Variants in GARRE1 observed in about 807,000 individuals in gnomAD.
The protein encoded by GARRE1 is granule associated Rac and RHOG effector protein 1.
Under a neutral mutation model 103.2 loss-of-function variants are expected in GARRE1, and 49 were observed. The ratio of observed to expected loss-of-function variants is 0.47; its 90% CI spans 0.38 to 0.60. The LOEUF is 0.60. GARRE1 is among the 20% of genes least tolerant of loss of function. The pLI is 0.00. For missense variants in GARRE1, 1,199 were observed against 1,370.5 expected (o/e 0.87, Z 1.98); for synonymous variants, 505 against 532.8 (o/e 0.95, Z 0.72).
chr19:34,331,485 C>T (rs2074137743), intron 7 of GARRE1, among the ~76,000 whole-genome samples: 1 of 152,160 alleles, frequency 6.6e-6, no homozygotes, highest in Admixed American at 6.5e-5. Context: ...TCACTGTATA[C>T]CGCTGCTGTT....
intron 2 of GARRE1, among the ~76,000 whole-genome samples, chr19:34,316,058 TG>T (rs1232857351): frequency 6.6e-6 from 1 of 152,202 alleles, no homozygotes; most frequent in Non-Finnish European, 1.5e-5. Flanking sequence ...AAGAGTAGCC[TG>T]GTGGTTAGCA....
intron 10 of GARRE1, among the ~76,000 whole-genome samples, chr19:34,343,151 G>A (rs1299235160): frequency 2.0e-5 from 3 of 152,098 alleles, no homozygotes; most frequent in Admixed American, 6.6e-5. Context: ...AACAAAATTA[G>A]GAAATAGAAA....
At chr19:34,351,637 C>G in intron 13 of GARRE1, 45 bp downstream of exon 13, 4 of 1,398,306 alleles carry the variant, frequency 2.9e-6, no homozygotes, top group Non-Finnish European at 1.0e-6. Context: ...CTAGCTTCCA[C>G]AGCTGCAGTT....
chr19:34,298,042 T>C lies in GARRE1; in HGVS notation c.-795-1637T>C, dbSNP rs577132649. ...TAAGTGACGAAGTATGAGTTACATT[T>C]AATTATATATTCAAAAAAGGAAAAT... is the stretch of plus-strand genomic sequence containing the variant. On this transcript the variant is annotated intron_variant, in intron 1 of 13. Coordinates refer to ENST00000299505, the MANE Select transcript of GARRE1 (RefSeq NM_014686.5). Among the ~76,000 whole-genome samples the C allele has an allele frequency of 2.0e-5, 3 of 152,272 alleles. No individual in the cohort carries two copies. The East Asian group carries it at 5.8e-4, about 29-fold the overall frequency.
At chr19:34,345,167 G>C (rs2074205485) in intron 10 of GARRE1, among the ~76,000 whole-genome samples, 1 of 152,070 alleles carries the variant, frequency 6.6e-6, no homozygotes, top group Admixed American at 6.5e-5. Context: ...TGGCCAGGCT[G>C]GTCTTGACCT....
chr19:34,350,343 G>A (rs1442401738), intron 12 of GARRE1, among the ~76,000 whole-genome samples: 2 of 152,134 alleles, frequency 1.3e-5, no homozygotes, highest in African/African-American at 2.4e-5. Context: ...TGCAGGAGGA[G>A]CAAGTTTGAA....
intron 10 of GARRE1, among the ~76,000 whole-genome samples, chr19:34,347,446 C>G (rs1032668147): frequency 6.6e-6 from 1 of 152,174 alleles, no homozygotes; most frequent in Admixed American, 6.6e-5. Flanking sequence ...AGGCTAGTCT[C>G]GAACTTCTGG....
At chr19:34,260,155 A>G (rs1002549330) in intron 1 of GARRE1, among the ~76,000 whole-genome samples, 5 of 152,222 alleles carry the variant, frequency 3.3e-5, no homozygotes, top group Non-Finnish European at 2.9e-5. Flanking sequence ...CCACACTCTG[A>G]TCAATTAGCA....
At chr19:34,318,267 G>A (rs2074069043) in intron 2 of GARRE1, among the ~76,000 whole-genome samples, 1 of 152,216 alleles carries the variant, frequency 6.6e-6, no homozygotes. Flanking sequence ...CAAGGCGAGA[G>A]GTCCACATGC....
At chr19:34,308,419 C>T (rs2074021596) in intron 2 of GARRE1, among the ~76,000 whole-genome samples, 1 of 152,058 alleles carries the variant, frequency 6.6e-6, no homozygotes, top group Non-Finnish European at 1.5e-5. Flanking sequence ...TTGTATGAAT[C>T]CAGTTTTGAA....
chr19:34,333,617 T>A (rs1027459272), intron 7 of GARRE1, 87 bp from the exon 8 acceptor site: 2 of 820,846 alleles, frequency 2.4e-6, no homozygotes, highest in African/African-American at 3.5e-5. Flanking sequence ...TCTTAGAGAG[T>A]CATTTTATGT....
intron 6 of GARRE1, among the ~76,000 whole-genome samples, chr19:34,329,508 G>A (rs2074127601): frequency 6.6e-6 from 1 of 152,140 alleles, no homozygotes; most frequent in Non-Finnish European, 1.5e-5. Context: ...AATTACTAAG[G>A]AAATTAAAAT....
At chr19:34,297,652 T>A (rs183256532) in intron 1 of GARRE1, among the ~76,000 whole-genome samples, 409 of 152,342 alleles carry the variant, frequency 2.7e-3, no homozygotes, top group Admixed American at 8.8e-3. Flanking sequence ...GGGAACAGCC[T>A]GCCCCGCTTC....
chr19:34,293,750 C>CT (rs71165643), intron 1 of GARRE1, among the ~76,000 whole-genome samples: 3,224 of 47,174 alleles, frequency 0.068, 594 homozygotes, highest in Admixed American at 0.093. Flanking sequence ...ACACATATTT[C>CT]TTTTTTTTTT....
At chr19:34,306,208 G>C (rs1568537595) in intron 2 of GARRE1, among the ~76,000 whole-genome samples, 1 of 152,192 alleles carries the variant, frequency 6.6e-6, no homozygotes, top group South Asian at 2.1e-4. Context: ...ATTCATCCCT[G>C]GGGAAAGAGG....
intron 1 of GARRE1, among the ~76,000 whole-genome samples, chr19:34,297,171 C>G (rs147097181): frequency 2.6e-5 from 4 of 151,958 alleles, no homozygotes; most frequent in Non-Finnish European, 5.9e-5. Flanking sequence ...ACCTGTAATC[C>G]CAGCTACTTG....
At chr19:34,268,398 A>G (rs1355938431) in intron 1 of GARRE1, among the ~76,000 whole-genome samples, 3 of 151,988 alleles carry the variant, frequency 2.0e-5, no homozygotes, top group Non-Finnish European at 4.4e-5. Flanking sequence ...TCCTTTGAAG[A>G]TCTCTGTTTA....
intron 2 of GARRE1, among the ~76,000 whole-genome samples, chr19:34,309,882 A>G (rs1177599874): frequency 6.6e-6 from 1 of 152,178 alleles, no homozygotes; most frequent in African/African-American, 2.4e-5. Context: ...GTAGGGATGA[A>G]GAGAAAAGCA....
intron 1 of GARRE1, among the ~76,000 whole-genome samples, chr19:34,278,062 T>G (rs1464624605): frequency 1.3e-5 from 2 of 152,000 alleles, no homozygotes; most frequent in Non-Finnish European, 2.9e-5. Context: ...TTAACCATTT[T>G]TATTATACAT....
Sources: gnomAD v4.1 joint callset for allele counts (sites outside exome capture counted in the v4.1 genomes callset) on GRCh38, gnomAD v4.1.1 for gene constraint, MANE v1.5 for transcripts, NCBI Gene and HGNC (gene_info 2026-07-23, HGNC 2026-07-21) for gene names.